Variants in TRPC5 observed in about 807,000 individuals in gnomAD.
TRPC5 encodes transient receptor potential cation channel subfamily C member 5, also known as short transient receptor potential channel 5.
A neutral mutation model predicts 56.5 loss-of-function variants in TRPC5; 9 were observed. The ratio of observed to expected loss-of-function variants is 0.16; its 90% CI spans 0.10 to 0.28. The LOEUF (loss-of-function observed/expected upper bound fraction) is 0.28. Ranked by LOEUF, TRPC5 falls within the 10% of genes least tolerant of loss-of-function variation. The probability of loss-of-function intolerance (pLI) is 1.00; values close to 1 mark genes in which losing one functional copy is unlikely to be tolerated. For synonymous variants in TRPC5, 282 were observed against 278.5 expected, an observed-to-expected ratio of 1.01 and a Z score of -0.13; for missense variants, 469 against 748.9, an observed-to-expected ratio of 0.63 and a Z score of 4.36.
In TRPC5 at chrX:111,768,658, T is replaced by A. The variant is rs1945826597; in HGVS notation, c.*7655A>T. ...AGATACAGCTTTACTTTTACTTTGT[T>A]AAGGTAGTAATTTGAACACTTAATT... On this transcript the variant is annotated 3_prime_UTR_variant, in exon 11 of 11. Transcript: ENST00000262839. 8.9e-6 allele frequency among the ~76,000 whole-genome samples: 1 copy of A among 112,151 alleles called. No individual in the cohort carries two copies. The highest frequency in any genetic ancestry group is 2.8e-4 in the East Asian group (1 of 3,583).
chrX:111,968,098 A>G (rs1603122786), intron 1 of TRPC5, among the ~76,000 whole-genome samples: 1 of 106,801 alleles, frequency 9.4e-6, no homozygotes. Flanking sequence ...CATATCCAGA[A>G]TCTACAATAA....
intron 2 of TRPC5, among the ~76,000 whole-genome samples, chrX:111,937,650 A>G (rs1230047913): frequency 1.9e-5 from 2 of 104,523 alleles, no homozygotes; most frequent in African/African-American, 7.1e-5. Context: ...AAGATCAGAT[A>G]GTTGTAGATA....
In TRPC5 at chrX:111,848,270, T is replaced by C. The variant is rs3027713; in HGVS notation, c.1378-834A>G. ...AGCCCCCGGCATATTAGGAGTAGCC[T>C]TGTAGAAAGATGACTTCATTGTGAG... On this transcript the variant is annotated intron_variant, in intron 5 of 10. Coordinates refer to ENST00000262839, the MANE Select transcript of TRPC5 (RefSeq NM_012471.3). Among the ~76,000 whole-genome samples the C allele has an allele frequency of 3.6e-5, 4 of 111,540 alleles. No individual in the cohort carries two copies. In the East Asian group the frequency reaches 1.1e-3, roughly 32 times the overall value.
chrX:111,810,089 A>C (rs1401818872), intron 7 of TRPC5, among the ~76,000 whole-genome samples: 3 of 109,779 alleles, frequency 2.7e-5, no homozygotes, highest in Non-Finnish European at 5.7e-5. Context: ...TAATTTTTGT[A>C]TTTTTAGTAG....
At chrX:111,909,155 A>T (rs1430466552) in intron 3 of TRPC5, among the ~76,000 whole-genome samples, 1 of 37,846 alleles carries the variant, frequency 2.6e-5, no homozygotes, top group Non-Finnish European at 8.3e-5. Flanking sequence ...AATTAATTAA[A>T]AAAAAAAAAA....
intron 1 of TRPC5, among the ~76,000 whole-genome samples, chrX:111,991,200 A>T (rs1008273719): frequency 2.8e-5 from 3 of 108,683 alleles, no homozygotes; most frequent in African/African-American, 1.0e-4. Context: ...TGTTATACTC[A>T]TTCCTGCCGG....
chrX:111,831,765 G>A (rs1417002913), intron 7 of TRPC5, among the ~76,000 whole-genome samples: 1 of 111,959 alleles, frequency 8.9e-6, no homozygotes, highest in Non-Finnish European at 1.9e-5. Context: ...AGACCATTAT[G>A]AGCACTATGT....
chrX:112,054,518 A>G, intron 1 of TRPC5, among the ~76,000 whole-genome samples: 1 of 111,015 alleles, frequency 9.0e-6, no homozygotes, highest in South Asian at 3.9e-4. Context: ...ATAGTTATGA[A>G]CATGGTATAC....
chrX:111,869,354 C>A (rs912808786), intron 3 of TRPC5, among the ~76,000 whole-genome samples: 1 of 111,528 alleles, frequency 9.0e-6, no homozygotes, highest in Admixed American at 9.5e-5. Context: ...TGTTCTTACC[C>A]AAGGATTACT....
intron 8 of TRPC5, 98 bp from the exon 9 acceptor site, chrX:111,781,304 G>A (rs1418840581): frequency 5.2e-6 from 4 of 764,875 alleles, no homozygotes; most frequent in Non-Finnish European, 7.9e-6. Flanking sequence ...ATTAGGACTA[G>A]AGAATGCTAC....
chrX:111,985,465 C>G (rs1369733079), intron 1 of TRPC5, among the ~76,000 whole-genome samples: 1 of 111,917 alleles, frequency 8.9e-6, no homozygotes, highest in Non-Finnish European at 1.9e-5. Context: ...TTTCTTTCCC[C>G]CAAATGCACA....
chrX:111,964,475 G>A (rs762911543), intron 1 of TRPC5, among the ~76,000 whole-genome samples: 2 of 111,509 alleles, frequency 1.8e-5, no homozygotes, highest in East Asian at 2.8e-4. Flanking sequence ...TACAGAGAAC[G>A]CCACAAAGAT....
At chrX:111,993,848 G>A (rs753117593) in intron 1 of TRPC5, among the ~76,000 whole-genome samples, 5 of 111,561 alleles carry the variant, frequency 4.5e-5, no homozygotes, top group Non-Finnish European at 9.4e-5. Flanking sequence ...CCCATTCTGT[G>A]CCGTGCCTGT....
intron 7 of TRPC5, among the ~76,000 whole-genome samples, chrX:111,786,237 C>T (rs1421011670): frequency 9.0e-6 from 1 of 111,486 alleles, no homozygotes; most frequent in Admixed American, 9.6e-5. Flanking sequence ...CCCTACGAGC[C>T]AGAAGAAAGT....
At chrX:111,796,297 T>G (rs1033931509) in intron 7 of TRPC5, among the ~76,000 whole-genome samples, 1 of 112,262 alleles carries the variant, frequency 8.9e-6, no homozygotes, top group East Asian at 2.8e-4. Flanking sequence ...ACATTTAAAA[T>G]AGCTGGTTTA....
Position 111,852,292 on chromosome X carries a change from A to G in TRPC5, c.1377+6T>C, listed in dbSNP as rs772917066. 1.7e-5 allele frequency: 21 copies of G among 1,205,873 alleles called. No individual in the cohort carries two copies. Among genetic ancestry groups the G allele is most frequent in the Non-Finnish European group, 2.1e-5 (19 of 893,072 alleles). On this transcript the variant is annotated splice_donor_region_variant and intron_variant, in intron 5 of 10. Transcript: ENST00000262839. ...TGTAGGAAATATGGCAGACATTCCAATTTACCTTGACATAGGCCACAATCT... is the reference window on the plus strand; with the variant it reads ...TGTAGGAAATATGGCAGACATTCCAGTTTACCTTGACATAGGCCACAATCT...
intron 2 of TRPC5, among the ~76,000 whole-genome samples, chrX:111,930,462 G>A (rs1055692456): frequency 1.2e-4 from 13 of 110,677 alleles, no homozygotes; most frequent in Non-Finnish European, 1.7e-4. Context: ...TTAGCTGGGC[G>A]TGGTGGTGCA....
In TRPC5 at chrX:111,897,774, A is replaced by T. The variant is rs150691208; in HGVS notation, c.900+14517T>A. ...TGAATATACCACAGTTTGCTTATTC[A>T]TAATCTTCTTGATAGTTACCTGAGC... is the stretch of plus-strand genomic sequence containing the variant. On this transcript the variant is annotated intron_variant, in intron 3 of 10. Coordinates refer to ENST00000262839, the MANE Select transcript of TRPC5 (RefSeq NM_012471.3). Among the ~76,000 whole-genome samples, 93 of 111,278 alleles carry T rather than the reference A, an allele frequency of 8.4e-4. No homozygotes were observed. The East Asian group carries it at 0.022, about 26-fold the overall frequency.
chrX:112,038,725 A>G (rs1929814935), intron 1 of TRPC5, among the ~76,000 whole-genome samples: 1 of 108,495 alleles, frequency 9.2e-6, no homozygotes, highest in Admixed American at 9.8e-5. Flanking sequence ...TCTGTCGCCC[A>G]GGCTGGAGTG....
Sources: gnomAD v4.1 joint callset for allele counts (sites outside exome capture counted in the v4.1 genomes callset) on GRCh38, gnomAD v4.1.1 for gene constraint, MANE v1.5 for transcripts, NCBI Gene and HGNC (gene_info 2026-07-23, HGNC 2026-07-21) for gene names.